Variants in RORA observed in about 807,000 individuals in gnomAD.
RORA encodes the protein RAR related orphan receptor A.
Under a neutral mutation model 69.5 loss-of-function variants are expected in RORA, and 7 were observed. The observed-to-expected ratio is 0.10, with a 90% confidence interval of 0.06 to 0.19. The LOEUF is 0.19. Among genes scored for constraint, RORA ranks in the 10% least tolerant of loss-of-function variants. RORA has a pLI of 1.00. For missense variants in RORA, 457 were observed against 663.0 expected (o/e 0.69, Z 3.41); for synonymous variants, 261 against 240.8 (o/e 1.08, Z -0.78).
At chr15:61,220,249 TGA>T (rs1031467759) in intron 1 of RORA, among the ~76,000 whole-genome samples, 16 of 152,226 alleles carry the variant, frequency 1.1e-4, no homozygotes, top group Admixed American at 1.0e-3. Flanking sequence ...CCTGGACAAT[TGA>T]GAGTTATGAG....
chr15:60,937,452 GT>G (rs1476368112), intron 1 of RORA, among the ~76,000 whole-genome samples: 5 of 152,192 alleles, frequency 3.3e-5, no homozygotes, highest in African/African-American at 1.2e-4. Flanking sequence ...TATGCCAAGA[GT>G]TACCAAACAG....
At position 60,496,936 on chromosome 15, in the gene RORA, G is replaced by A. The variant is rs2065182162; in HGVS notation, c.*519C>T. 6.6e-6 allele frequency: 1 copy of A among 152,558 alleles called. No individual in the cohort carries two copies. Among genetic ancestry groups the A allele is most frequent in the Non-Finnish European group, 1.5e-5 (1 of 68,364 alleles). 9.5% of individuals were successfully genotyped at this position (152,558 alleles called of 1,614,324 possible). ...CCCTGTAATATATTATAATGCTATT[G>A]TTGCTACTGCTATGGACCCTTTTCA... On this transcript the variant is annotated 3_prime_UTR_variant, in exon 11 of 11. Coordinates refer to ENST00000335670, the MANE Select transcript of RORA (RefSeq NM_134261.3). This position sits in a 1 kb window ranked among gnomAD's most constrained non-coding sequence, Gnocchi z 4.5.
chr15:60,956,102 A>G (rs2140338634), intron 1 of RORA, among the ~76,000 whole-genome samples: 1 of 152,356 alleles, frequency 6.6e-6, no homozygotes. Flanking sequence ...GGGCAAGCAG[A>G]TTCTCTTGCT....
At chr15:61,016,110 G>C (rs887795630) in intron 1 of RORA, among the ~76,000 whole-genome samples, 6 of 152,204 alleles carry the variant, frequency 3.9e-5, no homozygotes, top group Admixed American at 1.3e-4. Context: ...CTGGGCTCCA[G>C]TTTCCCCTTT....
Position 60,499,934 on chromosome 15 carries a change from G to C in RORA, c.1365C>G (p.His455Gln). Residue 455 changes from histidine (H) to glutamine (Q), a missense_variant, in exon 10 of 11, where the codon CAC becomes CAG. Around this residue, in one of 3 missense-constraint regions of RORA, gnomAD observed 304 missense variants for 447.4 expected, o/e 0.68. Coordinates refer to ENST00000335670, the MANE Select transcript of RORA (RefSeq NM_134261.3). Reference sequence around the variant, plus strand: ...CTTCTCGGTGATTCTTCTGTAGGACGTGTTGAAGAGCTAGCTGAATTTTCT... The same window carrying C: ...CTTCTCGGTGATTCTTCTGTAGGACCTGTTGAAGAGCTAGCTGAATTTTCT... ...LQQKIQLALQ[H>Q]VLQKNHREDG... 6.2e-7 allele frequency: 1 copy of C among 1,612,232 alleles called. No homozygotes were observed. The highest frequency in any genetic ancestry group is 8.5e-7 in the Non-Finnish European group (1 of 1,178,964).
chr15:60,991,888 A>G (rs1435157315), intron 1 of RORA, among the ~76,000 whole-genome samples: 1 of 150,466 alleles, frequency 6.6e-6, no homozygotes, highest in East Asian at 2.0e-4. Context: ...CCTGCGTGAC[A>G]GAGCGAGACC....
chr15:60,527,426 T>A (rs1212243136), intron 3 of RORA, among the ~76,000 whole-genome samples: 2 of 152,260 alleles, frequency 1.3e-5, no homozygotes, highest in Non-Finnish European at 2.9e-5. Context: ...GATTGAACTT[T>A]AACATCTACA....
chr15:61,201,471 T>C (rs1325434422), intron 1 of RORA, among the ~76,000 whole-genome samples: 1 of 152,068 alleles, frequency 6.6e-6, no homozygotes, highest in East Asian at 1.9e-4. Flanking sequence ...AGTCTGAAGG[T>C]TTCTCTGTAA....
At chr15:61,105,983 A>G (rs1240376600) in intron 1 of RORA, among the ~76,000 whole-genome samples, 2 of 152,238 alleles carry the variant, frequency 1.3e-5, no homozygotes, top group African/African-American at 4.8e-5. Flanking sequence ...GTTTATCTTC[A>G]TAAGCTGGCA....
At chr15:60,824,001 T>A (rs973624954) in intron 1 of RORA, among the ~76,000 whole-genome samples, 1 of 152,202 alleles carries the variant, frequency 6.6e-6, no homozygotes, top group African/African-American at 2.4e-5. Context: ...AAAGTGGAGC[T>A]TATTGAAGTA....
At chr15:60,669,174 T>C (rs2070426127) in intron 2 of RORA, among the ~76,000 whole-genome samples, 2 of 152,180 alleles carry the variant, frequency 1.3e-5, no homozygotes, top group Middle Eastern at 3.2e-3. Context: ...TTTTTCAAGT[T>C]TCACTGCACA....
At chr15:61,219,247 C>A (rs915777923) in intron 1 of RORA, among the ~76,000 whole-genome samples, 5 of 152,232 alleles carry the variant, frequency 3.3e-5, no homozygotes, top group African/African-American at 9.7e-5. Flanking sequence ...ACATAATCTA[C>A]TGCCTAATGC....
intron 1 of RORA, among the ~76,000 whole-genome samples, chr15:60,769,363 A>G (rs1326621647): frequency 1.3e-5 from 2 of 152,252 alleles, no homozygotes; most frequent in Non-Finnish European, 2.9e-5. Flanking sequence ...GTGCTCTTAC[A>G]TGGTAGGGGG....
At position 60,490,820 on chromosome 15, in the gene RORA, G is replaced by T. The variant is rs933206434; in HGVS notation, c.*6635C>A. The T allele has an allele frequency of 2.6e-5, 4 of 152,120 alleles. No individual in the cohort carries two copies. Among genetic ancestry groups the T allele is most frequent in the Non-Finnish European group, 5.9e-5 (4 of 67,992 alleles). 9.4% of individuals were successfully genotyped at this position (152,120 alleles called of 1,614,324 possible). A position where few individuals can be genotyped will look rare whatever the true frequency, so the allele number is the denominator to read the frequency against. Reference sequence around the variant, plus strand: ...AAATGGACAACACTGAAAACAGTTTGCAAATAAACCACCTAACACTGCAGT... The same window carrying T: ...AAATGGACAACACTGAAAACAGTTTTCAAATAAACCACCTAACACTGCAGT... On this transcript the variant is annotated 3_prime_UTR_variant, in exon 11 of 11. Coordinates refer to ENST00000335670, the MANE Select transcript of RORA (RefSeq NM_134261.3). The surrounding 1 kb of genome is among the most constrained non-coding windows in gnomAD (Gnocchi z 4.1).
At chr15:60,656,627 A>C (rs1356315235) in intron 2 of RORA, among the ~76,000 whole-genome samples, 3 of 152,212 alleles carry the variant, frequency 2.0e-5, no homozygotes, top group Non-Finnish European at 4.4e-5. Flanking sequence ...TTAGTTAAGG[A>C]TTGCACAACA....
chr15:61,182,791 C>T (rs2079699946), intron 1 of RORA: 1 of 152,142 alleles, frequency 6.6e-6, no homozygotes, highest in Admixed American at 6.6e-5. Context: ...CACAATATAC[C>T]AATGATATGA....
At chr15:60,565,596 T>C (rs1206135859) in intron 2 of RORA, among the ~76,000 whole-genome samples, 1 of 152,218 alleles carries the variant, frequency 6.6e-6, no homozygotes, top group Non-Finnish European at 1.5e-5. Context: ...GTGATAAAGT[T>C]AGTTTTTAAT....
chr15:60,796,624 C>T (rs763558342), intron 1 of RORA, among the ~76,000 whole-genome samples: 3 of 152,094 alleles, frequency 2.0e-5, no homozygotes, highest in Non-Finnish European at 4.4e-5. Flanking sequence ...GGTAGCCCCT[C>T]AATAAATCAA....
At chr15:60,766,343 A>C (rs2140877196) in intron 1 of RORA, among the ~76,000 whole-genome samples, 1 of 152,302 alleles carries the variant, frequency 6.6e-6, no homozygotes, top group South Asian at 2.1e-4. Context: ...ATTAGTAAAA[A>C]AAAATATAAT....
Sources: allele counts gnomAD v4.1 joint callset (sites outside exome capture counted in the v4.1 genomes callset), GRCh38; gene constraint gnomAD v4.1.1; regional missense constraint gnomAD v4.1.1; non-coding constraint Gnocchi (gnomAD v3.1); transcripts MANE v1.5; gene names NCBI Gene and HGNC (gene_info 2026-07-23, HGNC 2026-07-21).